PCDHGB6: variants seen among roughly 807,000 people sequenced by gnomAD.
The protein encoded by PCDHGB6 is protocadherin gamma subfamily B, 6, also known as protocadherin gamma-B6.
Under a neutral mutation model 59.1 loss-of-function variants are expected in PCDHGB6, and 51 were observed. That is an observed-to-expected ratio of 0.86 (90% confidence interval 0.69 to 1.09). PCDHGB6 has a LOEUF of 1.09. Among genes scored for constraint, PCDHGB6 ranks in the 50% least tolerant of loss-of-function variants. The pLI is 0.00. For missense variants in PCDHGB6, 1,148 were observed against 1,205.1 expected (o/e 0.95, Z 0.70); for synonymous variants, 466 against 495.1 (o/e 0.94, Z 0.78).
At chr5:141,421,986 AG>A in intron 1 of PCDHGB6, 2 of 1,609,004 alleles carry the variant, frequency 1.2e-6, no homozygotes, top group Non-Finnish European at 1.7e-6. Flanking sequence ...TGAGTGTTCC[AG>A]AAAACATCAG....
chr5:141,427,817 G>A, intron 1 of PCDHGB6: 2 of 1,528,134 alleles, frequency 1.3e-6, no homozygotes, highest in Non-Finnish European at 1.8e-6. Flanking sequence ...AGAGCGGGGT[G>A]GTGGTCGCGC....
At position 141,433,052 on chromosome 5, in the gene PCDHGB6, A is replaced by G. The variant is rs757503771; in HGVS notation, c.2418+22432A>G. The G allele has an allele frequency of 3.1e-6, 5 of 1,614,178 alleles. No individual in the cohort carries two copies. In the Admixed American group the frequency reaches 8.3e-5, roughly 27 times the overall value. ...GGTTTCCCTCACCACGGACTCGCGG[A>G]AGAGTCACCTGATCTTCCCCCAGCC... On this transcript the variant is annotated intron_variant, in intron 1 of 3. Transcript: ENST00000520790.
At position 141,476,632 on chromosome 5, in the gene PCDHGB6, T is replaced by A. The variant is rs994726301; in HGVS notation, c.2419-18175T>A. ...TGGGAAGCAACTCTTTACAAACCTATGAGCTGAGCCGAAATGAATACTTTG... is the reference window on the plus strand; with the variant it reads ...TGGGAAGCAACTCTTTACAAACCTAAGAGCTGAGCCGAAATGAATACTTTG... On this transcript the variant is annotated intron_variant, in intron 1 of 3. Transcript: ENST00000520790. The surrounding 1 kb of genome is among the most constrained non-coding windows in gnomAD (Gnocchi z 7.6). 1 of 1,614,216 alleles carries A rather than the reference T, an allele frequency of 6.2e-7. No individual in the cohort carries two copies. The highest frequency in any genetic ancestry group is 8.5e-7 in the Non-Finnish European group (1 of 1,180,028).
chr5:141,430,639 A>C, intron 1 of PCDHGB6: 6 of 900,712 alleles, frequency 6.7e-6, no homozygotes, highest in Non-Finnish European at 9.7e-6. Context: ...CATCCCTGGG[A>C]GTATGTGGAA....
rs182682202 is a variant in PCDHGB6 at position 141,445,418 on chromosome 5, T to A, written c.2418+34798T>A. Among the ~76,000 whole-genome samples the A allele has an allele frequency of 2.2e-3, 335 of 152,310 alleles. 1 individual carries two copies. Among genetic ancestry groups the A allele is most frequent in the Middle Eastern group, 0.01 (3 of 294 alleles). Reference sequence around the variant, plus strand: ...ACAAATATTTATTAACTGTCTGCTATATGCAAGGCACTGACCTATGGACTA... The same window carrying A: ...ACAAATATTTATTAACTGTCTGCTAAATGCAAGGCACTGACCTATGGACTA... On this transcript the variant is annotated intron_variant, in intron 1 of 3. Transcript: ENST00000520790.
intron 2 of PCDHGB6, among the ~76,000 whole-genome samples, chr5:141,498,789 C>T (rs1302940884): frequency 6.6e-6 from 1 of 151,980 alleles, no homozygotes; most frequent in Non-Finnish European, 1.5e-5. Context: ...AAATATTAGC[C>T]AGGTGTGGTG....
At chr5:141,430,888 T>C (rs1447560622) in intron 1 of PCDHGB6, 5 of 1,605,402 alleles carry the variant, frequency 3.1e-6, no homozygotes, top group Admixed American at 1.7e-5. Context: ...AGAAAGGCTC[T>C]AGGGTGGGCG....
At chr5:141,455,208 A>G (rs1450523873) in intron 1 of PCDHGB6, among the ~76,000 whole-genome samples, 1 of 151,996 alleles carries the variant, frequency 6.6e-6, no homozygotes, top group Non-Finnish European at 1.5e-5. Context: ...AACCAATAAG[A>G]GTTTTTAATG....
intron 1 of PCDHGB6, among the ~76,000 whole-genome samples, chr5:141,438,835 A>T (rs1591550617): frequency 6.7e-6 from 1 of 149,784 alleles, no homozygotes; most frequent in African/African-American, 2.5e-5. Flanking sequence ...CTAATTTTTT[A>T]AAATATTTTT....
chr5:141,498,703 G>A (rs961006063), intron 2 of PCDHGB6, among the ~76,000 whole-genome samples: 7 of 152,228 alleles, frequency 4.6e-5, no homozygotes, highest in Non-Finnish European at 8.8e-5. Flanking sequence ...AGGCTGAGGT[G>A]GGTGGATCAC....
At position 141,511,248 on chromosome 5, in the gene PCDHGB6, C is replaced by T; in HGVS notation, c.*75C>T. ...AGCTTCTCCTTACCTGCACCCAGGC[C>T]TCAGAGTTTCAGGGCTAACCCCCAG... On this transcript the variant is annotated 3_prime_UTR_variant, in exon 4 of 4. Transcript: ENST00000520790. 6.4e-7 allele frequency: 1 copy of T among 1,574,736 alleles called. No homozygotes were observed. The highest frequency in any genetic ancestry group is 8.6e-7 in the Non-Finnish European group (1 of 1,160,336).
chr5:141,487,058 C>T lies in PCDHGB6; in HGVS notation c.2419-7749C>T, dbSNP rs775720601. 23 of 1,613,980 alleles carry T rather than the reference C, an allele frequency of 1.4e-5. No individual in the cohort carries two copies. The highest frequency in any genetic ancestry group is 1.0e-4 in the Admixed American group (6 of 59,996). ...AGTCTCTCGATATGCTGGGGAGGTGCGGACGGCTGTTCCTATCCCAGCTGA... is the reference window on the plus strand; with the variant it reads ...AGTCTCTCGATATGCTGGGGAGGTGTGGACGGCTGTTCCTATCCCAGCTGA... On this transcript the variant is annotated intron_variant, in intron 1 of 3. Transcript: ENST00000520790. The surrounding 1 kb of genome is among the most constrained non-coding windows in gnomAD (Gnocchi z 5.0).
intron 1 of PCDHGB6, chr5:141,430,740 A>C (rs1485485180): frequency 5.3e-6 from 8 of 1,497,664 alleles, no homozygotes; most frequent in Non-Finnish European, 7.1e-6. Context: ...AATTGAAAAT[A>C]ATTCTGGAGG....
At chr5:141,423,885 A>G in intron 1 of PCDHGB6, 6 of 1,277,816 alleles carry the variant, frequency 4.7e-6, no homozygotes, top group Non-Finnish European at 5.9e-6. Flanking sequence ...ATCTTGGCAT[A>G]TTTTCTTTTG....
At chr5:141,418,436 G>A in intron 1 of PCDHGB6, 1 of 1,614,000 alleles carries the variant, frequency 6.2e-7, no homozygotes. Flanking sequence ...CAAATATCCA[G>A]AATTAGTATT....
chr5:141,486,371 G>T lies in PCDHGB6; in HGVS notation c.2419-8436G>T. 1.9e-6 allele frequency: 3 copies of T among 1,614,138 alleles called. No homozygotes were observed. The highest frequency in any genetic ancestry group is 2.5e-6 in the Non-Finnish European group (3 of 1,180,010). On this transcript the variant is annotated intron_variant, in intron 1 of 3. Coordinates refer to ENST00000520790, the MANE Select transcript of PCDHGB6 (RefSeq NM_018926.3). The surrounding 1 kb of genome is among the most constrained non-coding windows in gnomAD (Gnocchi z 5.0). ...CCACTTGCCATTTGCCCTCAAGTCT[G>T]CCTTCAGGAACCAGTTCTCCCTGGT...
intron 1 of PCDHGB6, chr5:141,422,184 A>T: frequency 6.4e-7 from 1 of 1,561,838 alleles, no homozygotes; most frequent in Non-Finnish European, 8.6e-7. Context: ...ATGAGATGGA[A>T]ATTCAAGGCC....
chr5:141,433,592 T>C (rs1043652093), intron 1 of PCDHGB6, among the ~76,000 whole-genome samples: 5 of 152,020 alleles, frequency 3.3e-5, no homozygotes, highest in Non-Finnish European at 7.4e-5. Context: ...TCCCAGTACT[T>C]TGGGAGGCCG....
intron 1 of PCDHGB6, among the ~76,000 whole-genome samples, chr5:141,453,322 G>A (rs897661534): frequency 6.6e-6 from 1 of 151,544 alleles, no homozygotes; most frequent in Non-Finnish European, 1.5e-5. Flanking sequence ...TTTTAGAGAT[G>A]GGGTCTCACT....
Sources: gnomAD v4.1 joint callset for allele counts (sites outside exome capture counted in the v4.1 genomes callset) on GRCh38, gnomAD v4.1.1 for gene constraint, Gnocchi (gnomAD v3.1) non-coding constraint, MANE v1.5 for transcripts, NCBI Gene and HGNC (gene_info 2026-07-23, HGNC 2026-07-21) for gene names.